The following PEX7 variants were observed in gnomAD, a reference collection of about 807,000 sequenced individuals.
The protein encoded by PEX7 is PTS2 receptor.
PEX7 carries 34 observed loss-of-function variants against 47.5 expected under a neutral mutation model. The ratio of observed to expected loss-of-function variants is 0.72; its 90% CI spans 0.54 to 0.95. The LOEUF (loss-of-function observed/expected upper bound fraction) is 0.95. PEX7 is among the 40% of genes least tolerant of loss of function. The probability of loss-of-function intolerance (pLI) is 0.00; values close to 1 mark genes in which losing one functional copy is unlikely to be tolerated. For synonymous variants in PEX7, 141 were observed against 148.8 expected, an observed-to-expected ratio of 0.95 and a Z score of 0.38; for missense variants, 394 against 400.3, an observed-to-expected ratio of 0.98 and a Z score of 0.13.
rs1261575265 is a variant in PEX7, at chr6:136,898,204, C to T, written c.866C>T (p.Thr289Ile). 1.2e-6 allele frequency: 2 copies of T among 1,612,040 alleles called. No individual in the cohort carries two copies. Among genetic ancestry groups the T allele is most frequent in the Non-Finnish European group, 1.7e-6 (2 of 1,178,294 alleles). ...ACAGTGGAGCATCATACAGAGTTTA[C>T]TTGTGGTTTAGACTTCAGTCTTCAG... ...LETVEHHTEF[T>I]CGLDFSLQSP... The change falls in exon 9 of 10, where the codon ACT (threonine) becomes ATT (isoleucine). Residue 289 changes from threonine to isoleucine, a missense_variant. Transcript: ENST00000318471.
At chr6:136,890,317 A>G (rs1775532511) in intron 8 of PEX7, among the ~76,000 whole-genome samples, 1 of 152,234 alleles carries the variant, frequency 6.6e-6, no homozygotes, top group Non-Finnish European at 1.5e-5. Context: ...GCTTAAATAT[A>G]AACAGGGAAA....
chr6:136,873,038 A>T (rs1718042296), intron 8 of PEX7, among the ~76,000 whole-genome samples: 1 of 152,146 alleles, frequency 6.6e-6, no homozygotes, highest in Admixed American at 6.5e-5. Flanking sequence ...TATTCACTTG[A>T]AACATGGTTT....
intron 1 of PEX7, chr6:136,823,425 G>C: frequency 2.2e-6 from 2 of 898,746 alleles, no homozygotes; most frequent in Non-Finnish European, 2.7e-6. Context: ...CGCGCGCATT[G>C]GCTCAGCCTG....
At chr6:136,854,647 T>C (rs1049132238) in intron 5 of PEX7, among the ~76,000 whole-genome samples, 1 of 152,204 alleles carries the variant, frequency 6.6e-6, no homozygotes, top group Non-Finnish European at 1.5e-5. Context: ...CCAAGTCGAA[T>C]TAAAGTTCTT....
At chr6:136,908,859 C>T (rs1775887010) in intron 9 of PEX7, among the ~76,000 whole-genome samples, 2 of 152,072 alleles carry the variant, frequency 1.3e-5, no homozygotes. Flanking sequence ...TTCCTTTTTT[C>T]CACTGTGCCC....
At chr6:136,892,724 TA>T (rs1334684606) in intron 8 of PEX7, among the ~76,000 whole-genome samples, 1 of 152,244 alleles carries the variant, frequency 6.6e-6, no homozygotes, top group Non-Finnish European at 1.5e-5. Context: ...GATAGATTTG[TA>T]TTAAGAAATA....
chr6:136,913,708 C>T lies in PEX7; in HGVS notation c.*182C>T. The T allele has an allele frequency of 1.6e-6, 1 of 612,338 alleles. No individual in the cohort carries two copies. Among genetic ancestry groups the T allele is most frequent in the Non-Finnish European group, 2.9e-6 (1 of 344,266 alleles). The allele number at this position is 612,338 out of a possible 1,614,324, so 37.9% of individuals were successfully genotyped here. A position where few individuals can be genotyped will look rare whatever the true frequency, so the allele number is the denominator to read the frequency against. ...AAAGACTTTAGCTGACTCGTTAAGC[C>T]TGATACATAAGCCATATTTAAAATT... On this transcript the variant is annotated 3_prime_UTR_variant, in exon 10 of 10. Transcript: ENST00000318471.
chr6:136,837,803 A>G (rs1025577448), intron 3 of PEX7, among the ~76,000 whole-genome samples: 9 of 142,726 alleles, frequency 6.3e-5, no homozygotes, highest in African/African-American at 2.4e-4. Context: ...AAAGCAATGA[A>G]TTTAAACGCC....
chr6:136,878,091 T>G (rs772658643), intron 8 of PEX7, among the ~76,000 whole-genome samples: 15 of 152,180 alleles, frequency 9.9e-5, no homozygotes, highest in Non-Finnish European at 1.8e-4. Flanking sequence ...TCACTCATGA[T>G]TTGGCTCTGT....
intron 3 of PEX7, among the ~76,000 whole-genome samples, chr6:136,826,680 C>G (rs996226025): frequency 2.6e-5 from 4 of 151,816 alleles, no homozygotes; most frequent in African/African-American, 7.3e-5. Flanking sequence ...AAAGGTCAGT[C>G]TTCTCATTAG....
intron 5 of PEX7, among the ~76,000 whole-genome samples, chr6:136,862,075 T>TATATATA: frequency 7.1e-6 from 1 of 140,434 alleles, no homozygotes; most frequent in Non-Finnish European, 1.6e-5. Flanking sequence ...TATATAGTTT[T>TATATATA]TTTTTTGGGG....
Position 136,826,391 on chromosome 6 carries a change from T to C in PEX7, c.261T>C (p.Ser87=), listed in dbSNP as rs1268461201. The C allele has an allele frequency of 6.2e-7, 1 of 1,613,920 alleles. No individual in the cohort carries two copies. Among genetic ancestry groups the C allele is most frequent in the Non-Finnish European group, 8.5e-7 (1 of 1,179,904 alleles). The change falls in exon 3 of 10, where the codon AGT becomes AGC. Residue 87 remains serine (S), a synonymous_variant. Coordinates refer to ENST00000318471, the MANE Select transcript of PEX7 (RefSeq NM_000288.4). The part of the protein sequence containing the change: ...ENNEHVLITC[S]GDGSLQLWDT... ...ACGAACATGTCCTCATCACCTGTAG[T>C]GGCGATGGCTCGCTGCAGCTCTGGG...
intron 8 of PEX7, among the ~76,000 whole-genome samples, chr6:136,896,827 T>C (rs1775661026): frequency 1.3e-5 from 2 of 152,226 alleles, no homozygotes; most frequent in Admixed American, 1.3e-4. Flanking sequence ...GTTTTAGAAA[T>C]GAAATTACAA....
chr6:136,839,493 G>A (rs1322747050), intron 3 of PEX7, among the ~76,000 whole-genome samples: 1 of 152,088 alleles, frequency 6.6e-6, no homozygotes, highest in Admixed American at 6.6e-5. Flanking sequence ...TGTGCGGTGG[G>A]TTTTTTTCTT....
intron 7 of PEX7, among the ~76,000 whole-genome samples, chr6:136,870,238 C>CT (rs1775149286): frequency 6.6e-6 from 1 of 152,154 alleles, no homozygotes; most frequent in South Asian, 2.1e-4. Context: ...AAATAAAAAT[C>CT]TTTTTCTCAT....
rs1562725406 is a variant in PEX7 at position 136,825,260 on chromosome 6, G to C, written c.177G>C (p.Arg59Ser). ...LILDPDEAGLRLFRSFDWNDG... is the reference protein window; with the variant it reads ...LILDPDEAGLSLFRSFDWNDG... ...TGGATCCAGATGAAGCTGGGCTAAG[G>C]CTTTTTAGAAGGTAAGGGGGCTGAA... The change falls in exon 2 of 10, where the codon AGG (arginine) becomes AGC (serine). Residue 59 changes from arginine (R) to serine (S), a missense_variant. Arg to Ser is a moderately radical substitution (Grantham distance 110). Coordinates refer to ENST00000318471, the MANE Select transcript of PEX7 (RefSeq NM_000288.4). 2.5e-6 allele frequency: 4 copies of C among 1,613,084 alleles called. No homozygotes were observed. The highest frequency in any genetic ancestry group is 3.3e-4 in the Middle Eastern group (2 of 6,062).
At chr6:136,873,932 A>G (rs2115232546) in intron 8 of PEX7, among the ~76,000 whole-genome samples, 1 of 152,244 alleles carries the variant, frequency 6.6e-6, no homozygotes, top group South Asian at 2.1e-4. Flanking sequence ...TATTATATTA[A>G]TGGATTGAAC....
chr6:136,847,404 C>A (rs1182132474), intron 5 of PEX7, among the ~76,000 whole-genome samples: 1 of 151,958 alleles, frequency 6.6e-6, no homozygotes, highest in African/African-American at 2.4e-5. Context: ...GTGTTTTAGA[C>A]ATGAAATCCT....
Position 136,822,705 on chromosome 6 carries a change from A to C in PEX7, c.40A>C (p.Thr14Pro), listed in dbSNP as rs61753233. ...VCGGAARMLR[T>P]PGRHGYAAEF... ...CGGTGGAGCGGCGCGGATGCTGCGG[A>C]CGCCGGGACGCCACGGCTACGCCGC... The change falls in exon 1 of 10, where the codon ACG (threonine) becomes CCG (proline). Residue 14 changes from threonine to proline, a missense_variant. Thr to Pro is a conservative substitution (Grantham distance 38). Coordinates refer to ENST00000318471, the MANE Select transcript of PEX7 (RefSeq NM_000288.4). 18 of 1,517,438 alleles carry C rather than the reference A, an allele frequency of 1.2e-5. No individual in the cohort carries two copies. The highest frequency in any genetic ancestry group is 1.6e-5 in the Non-Finnish European group (18 of 1,139,532). The allele number at this position is 1,517,438 out of a possible 1,614,324, so 94.0% of individuals were successfully genotyped here.
Sources: gnomAD v4.1 joint callset for allele counts (sites outside exome capture counted in the v4.1 genomes callset) on GRCh38, gnomAD v4.1.1 for gene constraint, MANE v1.5 for transcripts, NCBI Gene and HGNC (gene_info 2026-07-23, HGNC 2026-07-21) for gene names.